The following SART1 variants were observed in gnomAD, a reference collection of about 807,000 sequenced individuals.
The protein encoded by SART1 is U4/U6.U5 tri-snRNP-associated protein 1.
SART1 carries 28 observed loss-of-function variants against 105.0 expected under a neutral mutation model. The ratio of observed to expected loss-of-function variants is 0.27; its 90% CI spans 0.20 to 0.37. SART1 has a LOEUF of 0.37. Ranked by LOEUF, SART1 falls within the 10% of genes least tolerant of loss-of-function variation. The probability of loss-of-function intolerance (pLI) is 1.00; values close to 1 mark genes in which losing one functional copy is unlikely to be tolerated. For synonymous variants in SART1, 472 were observed against 462.9 expected, an observed-to-expected ratio of 1.02 and a Z score of -0.25; for missense variants, 894 against 1,106.5, an observed-to-expected ratio of 0.81 and a Z score of 2.72.
At chr11:65,972,829 G>A (rs1247497833) in intron 12 of SART1, among the ~76,000 whole-genome samples, 1 of 151,258 alleles carries the variant, frequency 6.6e-6, no homozygotes, top group Non-Finnish European at 1.5e-5. Flanking sequence ...CCATGGGTGA[G>A]TTTCTTCAAG....
chr11:65,974,633 C>T lies in SART1; in HGVS notation c.1573-1762C>T, dbSNP rs572134770. On this transcript the variant is annotated intron_variant, in intron 12 of 19. Transcript: ENST00000312397. ...GGTGGAGGTTGCAGTGAGCCTATAT[C>T]GCCCCATTGCACTCCAGCATGGGTG... Among the ~76,000 whole-genome samples the T allele has an allele frequency of 1.1e-3, 167 of 151,968 alleles. No individual in the cohort carries two copies. The Middle Eastern group carries it at 0.034, about 31-fold the overall frequency.
In SART1 at chr11:65,964,125, A is replaced by C; in HGVS notation, c.365A>C (p.Glu122Ala). 1 of 1,613,016 alleles carries C rather than the reference A, an allele frequency of 6.2e-7. No individual in the cohort carries two copies. The highest frequency in any genetic ancestry group is 1.3e-5 in the African/African-American group (1 of 75,052). ...GATGCCTCCTCACTCAGCATCGAGGAGACTAAGTGAGTACTGTCTCCCTTG... is the reference window on the plus strand; with the variant it reads ...GATGCCTCCTCACTCAGCATCGAGGCGACTAAGTGAGTACTGTCTCCCTTG... ...SGDASSLSIEETNKLRAKLGL... is the reference protein window; with the variant it reads ...SGDASSLSIEATNKLRAKLGL... The change falls in exon 2 of 20, where the codon GAG (glutamate) becomes GCG (alanine). Residue 122 changes from glutamate (E) to alanine (A), a missense_variant. Around this residue, in one of 2 missense-constraint regions of SART1, gnomAD observed 712 missense variants for 778.2 expected, o/e 0.91. Coordinates refer to ENST00000312397, the MANE Select transcript of SART1 (RefSeq NM_005146.5).
intron 12 of SART1, 42 bp downstream of exon 12, chr11:65,967,863 C>A (rs896786824): frequency 7.6e-6 from 11 of 1,448,706 alleles, no homozygotes; most frequent in Non-Finnish European, 1.0e-5. Flanking sequence ...CAGCAGTCAC[C>A]TGTCCTCACG....
intron 2 of SART1, 123 bp from the exon 3 acceptor site, chr11:65,964,392 C>T (rs1226880286): frequency 4.1e-6 from 5 of 1,205,088 alleles, no homozygotes; most frequent in African/African-American, 1.5e-5. Flanking sequence ...CCTAGGCTGC[C>T]TGGGGCAGAC....
rs1855146040 is a variant in SART1 at position 65,961,755 on chromosome 11, G to A, written c.-26G>A. 1.4e-6 allele frequency: 2 copies of A among 1,469,996 alleles called. No homozygotes were observed. The highest frequency in any genetic ancestry group is 1.8e-6 in the Non-Finnish European group (2 of 1,115,806). 91.1% of individuals were successfully genotyped at this position (1,469,996 alleles called of 1,614,324 possible). On this transcript the variant is annotated 5_prime_UTR_variant, in exon 1 of 20. Transcript: ENST00000312397. Reference sequence around the variant, plus strand: ...TTTGCGTTGTCTGGGCTCGGCGGCAGCCGGGCTCGGAGTGGACGTGCCACT... The same window carrying A: ...TTTGCGTTGTCTGGGCTCGGCGGCAACCGGGCTCGGAGTGGACGTGCCACT...
rs377348569 is a variant in SART1, at chr11:65,979,044, C to T, written c.*14C>T. 2.0e-5 allele frequency: 33 copies of T among 1,614,042 alleles called. No homozygotes were observed. Among genetic ancestry groups the T allele is most frequent in the Non-Finnish European group, 2.7e-5 (32 of 1,180,008 alleles). ...ATCACCAAGTGACAGCGCCCTCCCGCCCCGGCCCTGCCTCAACCTTCATAT... is the reference window on the plus strand; with the variant it reads ...ATCACCAAGTGACAGCGCCCTCCCGTCCCGGCCCTGCCTCAACCTTCATAT... On this transcript the variant is annotated 3_prime_UTR_variant, in exon 20 of 20. Transcript: ENST00000312397.
intron 12 of SART1, among the ~76,000 whole-genome samples, chr11:65,969,428 A>G (rs1368212925): frequency 1.3e-5 from 2 of 152,204 alleles, no homozygotes; most frequent in African/African-American, 2.4e-5. Flanking sequence ...CTGCCTGCAC[A>G]TTAGACTCAC....
In SART1 at chr11:65,967,746, G is replaced by A. The variant is rs114758666; in HGVS notation, c.1497G>A (p.Leu499=). Residue 499 remains leucine (L), a synonymous_variant, in exon 12 of 20, where the codon CTG becomes CTA. Transcript: ENST00000312397. ...VLEEDEAELE[L]QKQLEKGRRL... ...AGGAGGACGAGGCGGAGCTGGAGCT[G>A]CAGAAGCAGCTGGAGAAGGGACGCC... The A allele has an allele frequency of 1.9e-3, 2,975 of 1,553,056 alleles. 41 individuals carry two copies. In the African/African-American group the frequency reaches 0.035, roughly 18 times the overall value.
Position 65,978,363 on chromosome 11 carries a change from G to A in SART1, c.2173-237G>A. On this transcript the variant is annotated intron_variant, in intron 17 of 19. Coordinates refer to ENST00000312397, the MANE Select transcript of SART1 (RefSeq NM_005146.5). The surrounding 1 kb of genome is among the most constrained non-coding windows in gnomAD (Gnocchi z 6.8). ...CAGCCCCTGCGTGGCAGGTCTCCAG[G>A]TTCCCCATGCTCTGCCCCCATGGCA... is the stretch of plus-strand genomic sequence containing the variant. 1 of 564,548 alleles carries A rather than the reference G, an allele frequency of 1.8e-6. No individual in the cohort carries two copies. The highest frequency in any genetic ancestry group is 3.0e-5 in the East Asian group (1 of 32,950). 35.0% of individuals were successfully genotyped at this position (564,548 alleles called of 1,614,324 possible). A position where few individuals can be genotyped will look rare whatever the true frequency, so the allele number is the denominator to read the frequency against.
intron 12 of SART1, among the ~76,000 whole-genome samples, chr11:65,968,219 A>G (rs1189188812): frequency 6.6e-6 from 1 of 152,178 alleles, no homozygotes; most frequent in Non-Finnish European, 1.5e-5. Flanking sequence ...AAATGCTAAA[A>G]TTACAGGTGT....
chr11:65,977,786 C>T lies in SART1; in HGVS notation c.2059C>T (p.Arg687Trp), dbSNP rs769419224. The T allele has an allele frequency of 6.2e-6, 10 of 1,613,896 alleles. No homozygotes were observed. Among genetic ancestry groups the T allele is most frequent in the African/African-American group, 1.3e-5 (1 of 74,960 alleles). The change falls in exon 17 of 20, where the codon CGG (arginine) becomes TGG (tryptophan). Residue 687 changes from arginine (R) to tryptophan (W), a missense_variant. By Grantham distance (101) the Arg-to-Trp change is moderately radical. Coordinates refer to ENST00000312397, the MANE Select transcript of SART1 (RefSeq NM_005146.5). ...DKMAIDDKYS[R>W]REEYRGFTQD... ...CAGGGCCATCGATGACAAGTACAGCCGGAGGGAGGAATACCGAGGCTTCAC... is the reference window on the plus strand; with the variant it reads ...CAGGGCCATCGATGACAAGTACAGCTGGAGGGAGGAATACCGAGGCTTCAC...
Position 65,962,005 on chromosome 11 carries a change from G to A in SART1, c.225G>A (p.Arg75=), listed in dbSNP as rs1462840284. ...SGRRGAEAEA[R]SSTHGRERSQ... is the part of the protein sequence containing the mutation. Reference sequence around the variant, plus strand: ...GGCGCGGGGCCGAAGCTGAGGCCCGGAGCAGCACGCACGGGCGGGAGCGCA... The same window carrying A: ...GGCGCGGGGCCGAAGCTGAGGCCCGAAGCAGCACGCACGGGCGGGAGCGCA... The change falls in exon 1 of 20, where the codon CGG becomes CGA. Residue 75 remains arginine (R), a synonymous_variant. Transcript: ENST00000312397. The A allele has an allele frequency of 1.3e-6, 2 of 1,516,904 alleles. No individual in the cohort carries two copies. Among genetic ancestry groups the A allele is most frequent in the African/African-American group, 1.4e-5 (1 of 69,152 alleles). 94.0% of individuals were successfully genotyped at this position (1,516,904 alleles called of 1,614,324 possible).
rs993377340 is a variant in SART1, at chr11:65,978,378, C to A, written c.2173-222C>A. The A allele has an allele frequency of 5.2e-6, 3 of 578,360 alleles. No individual in the cohort carries two copies. Among genetic ancestry groups the A allele is most frequent in the Admixed American group, 3.0e-5 (1 of 33,588 alleles). The allele number at this position is 578,360 out of a possible 1,614,324, so 35.8% of individuals were successfully genotyped here. A position where few individuals can be genotyped will look rare whatever the true frequency, so the allele number is the denominator to read the frequency against. ...AGGTCTCCAGGTTCCCCATGCTCTG[C>A]CCCCATGGCAGCGCATCCACTAGCC... On this transcript the variant is annotated intron_variant, in intron 17 of 19. Transcript: ENST00000312397. This position sits in a 1 kb window ranked among gnomAD's most constrained non-coding sequence, Gnocchi z 6.8.
At position 65,976,648 on chromosome 11, in the gene SART1, T is replaced by G. The variant is rs775720254; in HGVS notation, c.1747-8T>G. On this transcript the variant is annotated splice_polypyrimidine_tract_variant and splice_region_variant and intron_variant, in intron 13 of 19. Transcript: ENST00000312397. This position sits in a 1 kb window ranked among gnomAD's most constrained non-coding sequence, Gnocchi z 5.1. ...GGCCTGGGCCGACCCTGGTCTTTTG[T>G]GCCCCAGGACTTTGAACGGGATGAG... 1.2e-6 allele frequency: 2 copies of G among 1,613,594 alleles called. No homozygotes were observed. Among genetic ancestry groups the G allele is most frequent in the Admixed American group, 3.3e-5 (2 of 60,004 alleles).
intron 12 of SART1, among the ~76,000 whole-genome samples, chr11:65,970,167 T>C (rs921128941): frequency 4.6e-5 from 7 of 152,194 alleles, no homozygotes; most frequent in Admixed American, 2.6e-4. Flanking sequence ...CTTCTTTTTT[T>C]CCTGACCACT....
chr11:65,977,189 CCTTT>C, intron 15 of SART1, 88 bp downstream of exon 15: 1 of 942,562 alleles, frequency 1.1e-6, no homozygotes, highest in Non-Finnish European at 1.7e-6. Context: ...CTCTGCTGCC[CCTTT>C]CTCTCAGTCC....
intron 12 of SART1, among the ~76,000 whole-genome samples, chr11:65,974,392 C>A (rs1211729): frequency 0.45 from 48,073 of 108,002 alleles, 11,550 homozygotes; most frequent in Admixed American, 0.58. Flanking sequence ...AAAAAAAAAA[C>A]CATATCAGCC....
chr11:65,965,289 G>T, intron 4 of SART1, 53 bp from the exon 5 acceptor site: 4 of 1,603,856 alleles, frequency 2.5e-6, no homozygotes, highest in Non-Finnish European at 2.6e-6. Flanking sequence ...CCTCTTGAGT[G>T]GGGTGGGGAG....
Position 65,976,426 on chromosome 11 carries a change from G to C in SART1, c.1604G>C (p.Arg535Pro). 1 of 1,560,722 alleles carries C rather than the reference G, an allele frequency of 6.4e-7. No individual in the cohort carries two copies. Among genetic ancestry groups the C allele is most frequent in the Non-Finnish European group, 8.6e-7 (1 of 1,156,170 alleles). ...VVEIVKKLESRQRGWEEDEDP... is the reference protein window; with the variant it reads ...VVEIVKKLESPQRGWEEDEDP... ...GAGATTGTGAAGAAGCTGGAGTCTCGCCAGCGGGGCTGGGAGGAGGATGAG... is the reference window on the plus strand; with the variant it reads ...GAGATTGTGAAGAAGCTGGAGTCTCCCCAGCGGGGCTGGGAGGAGGATGAG... Residue 535 changes from arginine (R) to proline (P), a missense_variant, in exon 13 of 20, where the codon CGC (arginine) becomes CCC (proline). Transcript: ENST00000312397. This position sits in a 1 kb window ranked among gnomAD's most constrained non-coding sequence, Gnocchi z 5.1.
Sources: gnomAD v4.1 joint callset for allele counts (sites outside exome capture counted in the v4.1 genomes callset) on GRCh38, gnomAD v4.1.1 for gene constraint, gnomAD v4.1.1 regional missense constraint, Gnocchi (gnomAD v3.1) non-coding constraint, MANE v1.5 for transcripts, NCBI Gene and HGNC (gene_info 2026-07-23, HGNC 2026-07-21) for gene names.